The following PARD3 variants were observed in gnomAD, a reference collection of about 807,000 sequenced individuals.
The protein encoded by PARD3 is partitioning defective 3 homolog.
A neutral mutation model predicts 155.4 loss-of-function variants in PARD3; 75 were observed. The ratio of observed to expected loss-of-function variants is 0.48; its 90% CI spans 0.40 to 0.58. The LOEUF is 0.58. Ranked by LOEUF, PARD3 falls within the 20% of genes least tolerant of loss-of-function variation. The pLI, the probability that PARD3 is intolerant of heterozygous loss-of-function variation, is 0.00. For synonymous variants in PARD3, 576 were observed against 610.5 expected (o/e 0.94, Z 0.83); for missense variants, 1,642 against 1,721.7 (o/e 0.95, Z 0.82).
intron 1 of PARD3, among the ~76,000 whole-genome samples, chr10:34,744,846 G>A (rs1420521514): frequency 2.0e-5 from 3 of 152,212 alleles, no homozygotes; most frequent in Non-Finnish European, 4.4e-5. Context: ...TAAGAGGGGA[G>A]ATTAGAAACC....
chr10:34,494,046 A>C (rs902034531), intron 3 of PARD3, among the ~76,000 whole-genome samples: 1 of 152,220 alleles, frequency 6.6e-6, no homozygotes, highest in Admixed American at 6.5e-5. Flanking sequence ...GTTTTCAGAG[A>C]GCCGGCTATT....
intron 22 of PARD3, among the ~76,000 whole-genome samples, chr10:34,233,693 G>A (rs969464259): frequency 6.6e-6 from 1 of 152,028 alleles, no homozygotes; most frequent in Non-Finnish European, 1.5e-5. Flanking sequence ...TACCCAATAA[G>A]CATCAGGTCC....
intron 2 of PARD3, among the ~76,000 whole-genome samples, chr10:34,566,119 G>A (rs1483830724): frequency 1.3e-5 from 2 of 152,264 alleles, no homozygotes; most frequent in South Asian, 2.1e-4. Context: ...AATAATGTCC[G>A]GCCCTGTTAC....
At chr10:34,653,213 T>TA (rs2093066984) in intron 2 of PARD3, among the ~76,000 whole-genome samples, 1 of 151,972 alleles carries the variant, frequency 6.6e-6, no homozygotes, top group Admixed American at 6.6e-5. Flanking sequence ...GTTCGAACAT[T>TA]AAAAAAAGAT....
At chr10:34,529,596 GA>G (rs2082703811) in intron 2 of PARD3, among the ~76,000 whole-genome samples, 1 of 152,120 alleles carries the variant, frequency 6.6e-6, no homozygotes, top group African/African-American at 2.4e-5. Context: ...CTGTTGACTG[GA>G]AGCCTAGCCA....
At chr10:34,766,812 T>A (rs1256548595) in intron 1 of PARD3, among the ~76,000 whole-genome samples, 2 of 152,124 alleles carry the variant, frequency 1.3e-5, no homozygotes, top group Non-Finnish European at 2.9e-5. Flanking sequence ...GTGTAAGGCA[T>A]CTTTAAGATA....
intron 20 of PARD3, among the ~76,000 whole-genome samples, chr10:34,287,899 C>T (rs565179212): frequency 5.3e-5 from 8 of 152,234 alleles, no homozygotes; most frequent in Admixed American, 1.3e-4. Flanking sequence ...ACTGTTATAA[C>T]GCACTTTCCT....
intron 3 of PARD3, among the ~76,000 whole-genome samples, chr10:34,498,259 A>G (rs550655099): frequency 6.6e-6 from 1 of 152,340 alleles, no homozygotes; most frequent in African/African-American, 2.4e-5. Flanking sequence ...TTGATTAATA[A>G]TTCTTTTAAA....
chr10:34,616,569 G>A (rs769173067), intron 2 of PARD3, among the ~76,000 whole-genome samples: 1 of 152,180 alleles, frequency 6.6e-6, no homozygotes, highest in Non-Finnish European at 1.5e-5. Flanking sequence ...GACCCTGGAG[G>A]ACGTTATGTG....
intron 14 of PARD3, among the ~76,000 whole-genome samples, chr10:34,356,122 C>G (rs950521928): frequency 2.0e-5 from 3 of 152,092 alleles, no homozygotes; most frequent in Admixed American, 6.5e-5. Context: ...CCTGCAGATT[C>G]CTGGAAGGCT....
At chr10:34,389,370 G>A (rs1842667138) in intron 7 of PARD3, among the ~76,000 whole-genome samples, 1 of 151,618 alleles carries the variant, frequency 6.6e-6, no homozygotes, top group African/African-American at 2.4e-5. Flanking sequence ...TTATATTAAG[G>A]ATTGCACCAC....
chr10:34,466,905 G>C (rs1333444458), intron 4 of PARD3, among the ~76,000 whole-genome samples: 2 of 152,094 alleles, frequency 1.3e-5, no homozygotes, highest in Non-Finnish European at 1.5e-5. Context: ...TATTTGAAGA[G>C]TAAAGCCAAC....
At chr10:34,339,199 C>T (rs1032113928) in intron 16 of PARD3, among the ~76,000 whole-genome samples, 1 of 152,108 alleles carries the variant, frequency 6.6e-6, no homozygotes, top group Non-Finnish European at 1.5e-5. Context: ...CACATGCTAA[C>T]CAATTCTTTT....
At chr10:34,580,356 GA>G (rs1034878806) in intron 2 of PARD3, among the ~76,000 whole-genome samples, 9 of 148,758 alleles carry the variant, frequency 6.1e-5, no homozygotes, top group African/African-American at 1.7e-4. Context: ...CCCGTCTCTA[GA>G]AAAAAAAAAT....
intron 23 of PARD3, among the ~76,000 whole-genome samples, chr10:34,121,931 A>G (rs1185351686): frequency 6.6e-6 from 1 of 152,250 alleles, no homozygotes; most frequent in East Asian, 1.9e-4. Context: ...AGTTCTGCTT[A>G]TGCAAACAAT....
intron 22 of PARD3, among the ~76,000 whole-genome samples, chr10:34,197,755 C>G (rs1447732222): frequency 1.3e-5 from 2 of 152,170 alleles, no homozygotes; most frequent in African/African-American, 2.4e-5. Flanking sequence ...TTTTGAGACA[C>G]AGTCTCACTC....
chr10:34,262,210 T>A (rs1329174855), intron 22 of PARD3, among the ~76,000 whole-genome samples: 1 of 152,082 alleles, frequency 6.6e-6, no homozygotes, highest in Non-Finnish European at 1.5e-5. Context: ...TTTCTACATA[T>A]GCTTAAATTA....
chr10:34,664,955 C>T (rs1282828216), intron 2 of PARD3, among the ~76,000 whole-genome samples: 1 of 151,684 alleles, frequency 6.6e-6, no homozygotes, highest in Non-Finnish European at 1.5e-5. Context: ...CAGTACAGAA[C>T]TGCTTCCTGG....
chr10:34,716,271 A>G (rs2094518246), intron 1 of PARD3, among the ~76,000 whole-genome samples: 1 of 152,226 alleles, frequency 6.6e-6, no homozygotes, highest in African/African-American at 2.4e-5. Flanking sequence ...ACAATGCATT[A>G]AAACAGAGAA....
Sources: gnomAD v4.1 joint callset for allele counts (sites outside exome capture counted in the v4.1 genomes callset) on GRCh38, gnomAD v4.1.1 for gene constraint, MANE v1.5 for transcripts, NCBI Gene and HGNC (gene_info 2026-07-23, HGNC 2026-07-21) for gene names.